Variants in PBLD observed in about 807,000 individuals in gnomAD.
The protein encoded by PBLD is phenazine biosynthesis like protein domain containing, also known as phenazine biosynthesis-like domain-containing protein.
Under a neutral mutation model 31.3 loss-of-function variants are expected in PBLD, and 26 were observed. The observed-to-expected ratio is 0.83, with a 90% CI of 0.61 to 1.15. The LOEUF (loss-of-function observed/expected upper bound fraction) is 1.15, where lower values mean the gene tolerates loss of function less well. Among genes scored for constraint, PBLD ranks in the 50% most tolerant of loss-of-function variants. The probability of loss-of-function intolerance (pLI) is 0.00; values close to 1 mark genes in which losing one functional copy is unlikely to be tolerated. For missense variants in PBLD, 307 were observed against 351.7 expected, an observed-to-expected ratio of 0.87 and a Z score of 1.02; for synonymous variants, 114 against 129.0, an observed-to-expected ratio of 0.88 and a Z score of 0.79.
chr10:68,288,350 T>G (rs775671424), intron 8 of PBLD, 133 bp downstream of exon 8: 1 of 923,102 alleles, frequency 1.1e-6, no homozygotes, highest in South Asian at 1.8e-5. Flanking sequence ...ATGGCAGGGA[T>G]GGGGAAAGAT....
intron 9 of PBLD, 94 bp downstream of exon 9, chr10:68,285,254 T>C: frequency 6.2e-7 from 1 of 1,602,014 alleles, no homozygotes. Context: ...ATACATGACA[T>C]TGTATTACAT....
chr10:68,289,855 C>T lies in PBLD; in HGVS notation c.424-836G>A, dbSNP rs574251358. Reference sequence around the variant, plus strand: ...GCAGCAGCAATTAGAACGTTCCACACGGCAAGCACTCAGGGCTAGCAGCTT... The same window carrying T: ...GCAGCAGCAATTAGAACGTTCCACATGGCAAGCACTCAGGGCTAGCAGCTT... On this transcript the variant is annotated intron_variant, in intron 6 of 9. Transcript: ENST00000358769. Among the ~76,000 whole-genome samples, 6 of 152,196 alleles carry T rather than the reference C, an allele frequency of 3.9e-5. No homozygotes were observed. In the South Asian group the frequency reaches 6.2e-4, roughly 16 times the overall value.
chr10:68,331,796 G>C (rs1196652479), intron 1 of PBLD: 2 of 152,520 alleles, frequency 1.3e-5, no homozygotes, highest in Non-Finnish European at 2.9e-5. Flanking sequence ...CCATCGCCCC[G>C]AGGCGGCAGA....
chr10:68,314,684 G>T (rs1469318708), intron 1 of PBLD, among the ~76,000 whole-genome samples: 1 of 151,478 alleles, frequency 6.6e-6, no homozygotes, highest in African/African-American at 2.4e-5. Context: ...TGCAACTTCC[G>T]CCTCCCAGGT....
intron 8 of PBLD, among the ~76,000 whole-genome samples, chr10:68,286,370 G>C (rs562332134): frequency 1.8e-4 from 28 of 152,310 alleles, no homozygotes; most frequent in African/African-American, 6.7e-4. Context: ...TTACAGGCAT[G>C]AGCCACTGCG....
At chr10:68,293,679 C>A (rs1281103692) in intron 4 of PBLD, among the ~76,000 whole-genome samples, 1 of 152,160 alleles carries the variant, frequency 6.6e-6, no homozygotes, top group Non-Finnish European at 1.5e-5. Flanking sequence ...CAAACCTCAG[C>A]ATCAAACCAA....
chr10:68,292,735 C>T (rs1010053569), intron 4 of PBLD, among the ~76,000 whole-genome samples: 10 of 151,900 alleles, frequency 6.6e-5, no homozygotes, highest in African/African-American at 2.4e-4. Flanking sequence ...GTCTCAAACT[C>T]CTGACCTCAA....
At chr10:68,322,096 C>A (rs2044843466) in intron 1 of PBLD, among the ~76,000 whole-genome samples, 1 of 152,102 alleles carries the variant, frequency 6.6e-6, no homozygotes, top group Non-Finnish European at 1.5e-5. Context: ...GCCAGGTGAT[C>A]AAGGTAAAGA....
At chr10:68,308,595 CT>C (rs1256006470) in intron 1 of PBLD, among the ~76,000 whole-genome samples, 2 of 150,276 alleles carry the variant, frequency 1.3e-5, no homozygotes, top group African/African-American at 4.9e-5. Flanking sequence ...GTCACCCAGG[CT>C]GGATTGCAAT....
intron 1 of PBLD, among the ~76,000 whole-genome samples, chr10:68,318,747 A>G (rs998438854): frequency 2.0e-5 from 3 of 152,004 alleles, no homozygotes; most frequent in African/African-American, 7.2e-5. Flanking sequence ...CCAGGCAACC[A>G]TTAGAAAATG....
Position 68,329,605 on chromosome 10 carries a change from AT to A in PBLD, c.-60+3178del, listed in dbSNP as rs67937421. Among the ~76,000 whole-genome samples the A allele has an allele frequency of 3.6e-3, 548 of 150,426 alleles. 4 individuals are homozygous for A. The highest frequency in any genetic ancestry group is 0.012 in the African/African-American group (509 of 40,968). ...AGCTTAGAGTCTTATTAATACAGCA[AT>A]TTTTTTTTTAAAAGGAGGGAGAGGG... On this transcript the variant is annotated intron_variant, in intron 1 of 9. Transcript: ENST00000358769.
intron 1 of PBLD, among the ~76,000 whole-genome samples, chr10:68,309,284 A>G (rs149109505): frequency 1.3e-5 from 2 of 148,870 alleles, no homozygotes; most frequent in East Asian, 2.1e-4. Flanking sequence ...GCTCGTGCCT[A>G]TAATCCCAGC....
At chr10:68,307,789 G>A (rs765649017) in intron 1 of PBLD, among the ~76,000 whole-genome samples, 104 of 152,118 alleles carry the variant, frequency 6.8e-4, no homozygotes, top group Admixed American at 2.5e-3. Context: ...ATGAGCCACC[G>A]CACCCGGCCG....
intron 9 of PBLD, 49 bp downstream of exon 9, chr10:68,285,299 A>G: frequency 6.2e-7 from 1 of 1,613,982 alleles, no homozygotes; most frequent in Non-Finnish European, 8.5e-7. Flanking sequence ...AAGGAACACT[A>G]GCTTCGAATT....
intron 2 of PBLD, among the ~76,000 whole-genome samples, chr10:68,299,673 T>A (rs1055003066): frequency 6.6e-6 from 1 of 151,792 alleles, no homozygotes; most frequent in African/African-American, 2.4e-5. Flanking sequence ...CTGGCCAACA[T>A]GGCAAAACCC....
rs2134410603 is a variant in PBLD, at chr10:68,282,871, C to T, written c.*1306G>A. The T allele has an allele frequency of 6.6e-6, 1 of 152,268 alleles. No homozygotes were observed. The highest frequency in any genetic ancestry group is 3.4e-3 in the Middle Eastern group (1 of 294). The allele number at this position is 152,268 out of a possible 1,614,324, so 9.4% of individuals were successfully genotyped here. ...CTACCATCAATGAGATCACCTTAAA[C>T]AAACACTCTTAATGACTTGAAAAAG... On this transcript the variant is annotated 3_prime_UTR_variant, in exon 10 of 10. Coordinates refer to ENST00000358769, the MANE Select transcript of PBLD (RefSeq NM_022129.4).
chr10:68,296,607 G>A (rs989365482), intron 3 of PBLD, among the ~76,000 whole-genome samples: 8 of 152,098 alleles, frequency 5.3e-5, no homozygotes, highest in Non-Finnish European at 8.8e-5. Flanking sequence ...AGAATCTCCC[G>A]CTCTATCTAC....
intron 9 of PBLD, 111 bp downstream of exon 9, chr10:68,285,237 A>G (rs765668224): frequency 2.3e-5 from 37 of 1,577,676 alleles, no homozygotes; most frequent in Non-Finnish European, 3.1e-5. Flanking sequence ...TCATTTTCAC[A>G]TGGGTGATAC....
At chr10:68,291,308 CAGAG>C (rs1296425455) in intron 6 of PBLD, among the ~76,000 whole-genome samples, 2 of 152,194 alleles carry the variant, frequency 1.3e-5, no homozygotes, top group Non-Finnish European at 2.9e-5. Flanking sequence ...GCACTGCACA[CAGAG>C]AGACTCTCAA....
Sources: allele counts gnomAD v4.1 joint callset (sites outside exome capture counted in the v4.1 genomes callset), GRCh38; gene constraint gnomAD v4.1.1; transcripts MANE v1.5; gene names NCBI Gene and HGNC (gene_info 2026-07-23, HGNC 2026-07-21).